Variants in C12orf42 observed in about 807,000 individuals in gnomAD.
C12orf42 encodes chromosome 12 open reading frame 42.
In C12orf42, 25 loss-of-function variants were observed where a neutral mutation model predicts 21.6. The observed-to-expected ratio is 1.16, with a 90% CI of 0.84 to 1.62. The LOEUF (loss-of-function observed/expected upper bound fraction) is 1.62. Among genes scored for constraint, C12orf42 ranks in the 40% most tolerant of loss-of-function variants. The pLI, the probability that C12orf42 is intolerant of heterozygous loss-of-function variation, is 0.00. For synonymous variants in C12orf42, 174 were observed against 175.0 expected (o/e 0.99, Z 0.05); for missense variants, 483 against 459.3 (o/e 1.05, Z -0.47).
chr12:103,156,464 TG>T, the C12orf42 span, among the ~76,000 whole-genome samples: 102 of 152,276 alleles, frequency 6.7e-4, no homozygotes, highest in African/African-American at 2.4e-3. Flanking sequence ...TGTGTTTTAA[TG>T]TGCAATTATG....
intron 3 of C12orf42, among the ~76,000 whole-genome samples, chr12:103,385,180 T>A (rs1220047802): frequency 6.6e-6 from 1 of 152,220 alleles, no homozygotes. Flanking sequence ...TAAAATATAG[T>A]GTATAGACTA....
chr12:103,426,240 G>GA (rs1195528019), intron 2 of C12orf42, among the ~76,000 whole-genome samples: 2 of 152,136 alleles, frequency 1.3e-5, no homozygotes, highest in African/African-American at 4.8e-5. Flanking sequence ...TTGCTAACTA[G>GA]AAAAACCAGT....
chr12:103,272,690 A>G (rs7959044), intron 5 of C12orf42, among the ~76,000 whole-genome samples: 14,368 of 152,140 alleles, frequency 0.094, 1,901 homozygotes, highest in African/African-American at 0.3. Flanking sequence ...AGAATTTTAG[A>G]CTTTGAATCA....
chr12:103,495,243 G>A (rs924528975), intron 1 of C12orf42, among the ~76,000 whole-genome samples: 12 of 151,908 alleles, frequency 7.9e-5, no homozygotes, highest in African/African-American at 2.4e-4. Context: ...TGGAGCGGGC[G>A]GGGAAGGTTA....
intron 4 of C12orf42, among the ~76,000 whole-genome samples, chr12:103,321,879 G>C (rs1453314595): frequency 3.3e-5 from 5 of 151,888 alleles, no homozygotes; most frequent in Admixed American, 1.3e-4. Context: ...GTGGGGGAAG[G>C]GGGGAGGGAT....
the C12orf42 span, among the ~76,000 whole-genome samples, chr12:103,055,492 C>T: frequency 5.9e-5 from 9 of 151,828 alleles, no homozygotes; most frequent in African/African-American, 2.4e-5. Context: ...TATTATCTTC[C>T]AAAGAACCAG....
chr12:103,065,466 G>A, the C12orf42 span, among the ~76,000 whole-genome samples: 2 of 152,096 alleles, frequency 1.3e-5, no homozygotes, highest in African/African-American at 4.8e-5. Context: ...CTACCTCAGG[G>A]GTATATCAAC....
the C12orf42 span, among the ~76,000 whole-genome samples, chr12:103,160,105 T>G: frequency 6.6e-6 from 1 of 152,190 alleles, no homozygotes. Flanking sequence ...TAATGAGCAT[T>G]GCGCTTTCCT....
At chr12:103,225,126 A>C in the C12orf42 span, among the ~76,000 whole-genome samples, 2 of 152,164 alleles carry the variant, frequency 1.3e-5, no homozygotes, top group African/African-American at 4.8e-5. Flanking sequence ...GGCTGGGACA[A>C]GGGGTGCAGG....
At chr12:103,193,031 A>G in the C12orf42 span, among the ~76,000 whole-genome samples, 1 of 152,216 alleles carries the variant, frequency 6.6e-6, no homozygotes, top group Admixed American at 6.5e-5. Context: ...GATTGAAATT[A>G]TTCCATAAGT....
intron 2 of C12orf42, among the ~76,000 whole-genome samples, chr12:103,462,816 A>G (rs778261012): frequency 4.6e-5 from 7 of 152,168 alleles, no homozygotes; most frequent in Non-Finnish European, 8.8e-5. Flanking sequence ...ATTAAACCCT[A>G]TCTGTGGAGA....
chr12:103,221,850 C>T, the C12orf42 span, among the ~76,000 whole-genome samples: 3 of 152,164 alleles, frequency 2.0e-5, no homozygotes, highest in Admixed American at 6.5e-5. Flanking sequence ...AATAGCAAGG[C>T]TGAGGGACAC....
At chr12:103,099,297 C>A in the C12orf42 span, among the ~76,000 whole-genome samples, 1 of 152,204 alleles carries the variant, frequency 6.6e-6, no homozygotes, top group African/African-American at 2.4e-5. Context: ...CCTAACTGAA[C>A]AATTATTGAG....
chr12:103,512,396 G>C, the C12orf42 span, among the ~76,000 whole-genome samples: 879 of 152,096 alleles, frequency 5.8e-3, 5 homozygotes, highest in African/African-American at 0.02. Context: ...TCTCTTGTTG[G>C]AAAGCAGAGG....
chr12:103,274,687 T>C (rs1269106342), intron 5 of C12orf42, among the ~76,000 whole-genome samples: 2 of 152,176 alleles, frequency 1.3e-5, no homozygotes, highest in African/African-American at 4.8e-5. Context: ...ATGCTCTTGT[T>C]TTAAACCTTA....
intron 4 of C12orf42, among the ~76,000 whole-genome samples, chr12:103,286,010 G>GT (rs1207081644): frequency 2.0e-5 from 3 of 152,038 alleles, no homozygotes; most frequent in Non-Finnish European, 1.5e-5. Flanking sequence ...CTTTGGGGGG[G>GT]TGCCAAGGCA....
At chr12:103,174,012 A>G in the C12orf42 span, among the ~76,000 whole-genome samples, 1 of 152,204 alleles carries the variant, frequency 6.6e-6, no homozygotes, top group Non-Finnish European at 1.5e-5. Flanking sequence ...ATTAGAGGCT[A>G]TCTCTCTAGA....
chr12:103,299,633 A>T (rs1943960020), downstream of C12orf42, among the ~76,000 whole-genome samples: 1 of 152,220 alleles, frequency 6.6e-6, no homozygotes, highest in African/African-American at 2.4e-5. Flanking sequence ...TATTTTTTAC[A>T]ATAGGACCTC....
chr12:103,405,141 T>C (rs2048328248), intron 2 of C12orf42, among the ~76,000 whole-genome samples: 1 of 152,080 alleles, frequency 6.6e-6, no homozygotes, highest in Non-Finnish European at 1.5e-5. Flanking sequence ...CTCTGTTATT[T>C]AAAAAGGAGG....
Sources: gnomAD v4.1 joint callset for allele counts (sites outside exome capture counted in the v4.1 genomes callset) on GRCh38, gnomAD v4.1.1 for gene constraint, MANE v1.5 for transcripts, NCBI Gene and HGNC (gene_info 2026-07-23, HGNC 2026-07-21) for gene names.